Variants in LANCL2 observed in about 807,000 individuals in gnomAD.
The protein encoded by LANCL2 is lanC-like protein 2.
In LANCL2, 33 loss-of-function variants were observed where a neutral mutation model predicts 56.9. That is an observed-to-expected ratio of 0.58 (90% CI 0.44 to 0.78). LANCL2 has a LOEUF of 0.78. LANCL2 is among the 30% of genes least tolerant of loss of function. LANCL2 has a pLI of 0.00. For missense variants in LANCL2, 562 were observed against 580.2 expected (o/e 0.97, Z 0.32); for synonymous variants, 233 against 228.2 (o/e 1.02, Z -0.19).
chr7:55,390,098 A>G (rs894378818), intron 1 of LANCL2, among the ~76,000 whole-genome samples: 1 of 152,186 alleles, frequency 6.6e-6, no homozygotes, highest in East Asian at 1.9e-4. Flanking sequence ...GCAGAAACCT[A>G]AAAGTATTTT....
chr7:55,429,894 C>T (rs75423502), intron 8 of LANCL2, among the ~76,000 whole-genome samples: 3,472 of 152,384 alleles, frequency 0.023, 55 homozygotes, highest in Non-Finnish European at 0.033. Flanking sequence ...ACCAAATTCC[C>T]GTCAGGGGAC....
chr7:55,366,210 C>A lies in LANCL2; in HGVS notation c.185C>A (p.Pro62His). Residue 62 changes from proline (P) to histidine (H), a missense_variant, in exon 1 of 9, where the codon CCT becomes CAT. Coordinates refer to ENST00000254770, the MANE Select transcript of LANCL2 (RefSeq NM_018697.4). ...PPATTDEPGL[P>H]FHQDGKIIHN... is the part of the protein sequence containing the mutation. ...GCGACCACGGATGAGCCCGGCCTCCCTTTTCATCAGGACGGGAAGGTGAGT... is the reference window on the plus strand; with the variant it reads ...GCGACCACGGATGAGCCCGGCCTCCATTTTCATCAGGACGGGAAGGTGAGT... 1 of 1,540,344 alleles carries A rather than the reference C, an allele frequency of 6.5e-7. No homozygotes were observed. Among genetic ancestry groups the A allele is most frequent in the East Asian group, 2.5e-5 (1 of 40,148 alleles).
In LANCL2 at chr7:55,431,418, C is replaced by T. The variant is rs984638789; in HGVS notation, c.*98C>T. On this transcript the variant is annotated 3_prime_UTR_variant, in exon 9 of 9. Transcript: ENST00000254770. ...ACAACTGGGAATCCTGAAAGAGAAG[C>T]AGACACCGTCACAGGCCCCTCTGGT... 3 of 797,566 alleles carry T rather than the reference C, an allele frequency of 3.8e-6. No individual in the cohort carries two copies. Among genetic ancestry groups the T allele is most frequent in the Middle Eastern group, 3.4e-4 (1 of 2,946 alleles). 49.4% of individuals were successfully genotyped at this position (797,566 alleles called of 1,614,324 possible).
chr7:55,392,559 G>A (rs1238122017), intron 2 of LANCL2, among the ~76,000 whole-genome samples: 1 of 150,284 alleles, frequency 6.7e-6, no homozygotes, highest in African/African-American at 2.4e-5. Flanking sequence ...CTGTTGCTGA[G>A]GTTGGTCTCA....
intron 1 of LANCL2, among the ~76,000 whole-genome samples, chr7:55,386,520 A>G (rs923541462): frequency 2.0e-5 from 3 of 152,206 alleles, no homozygotes; most frequent in African/African-American, 4.8e-5. Context: ...AGCTTTGTGC[A>G]GTACCAGTAA....
intron 1 of LANCL2, among the ~76,000 whole-genome samples, chr7:55,387,679 T>A (rs1037305592): frequency 3.9e-5 from 6 of 152,136 alleles, no homozygotes; most frequent in African/African-American, 1.2e-4. Context: ...AATAATTTTT[T>A]AAAATTATAA....
intron 1 of LANCL2, among the ~76,000 whole-genome samples, chr7:55,367,332 GC>G (rs1294633103): frequency 6.6e-6 from 1 of 152,110 alleles, no homozygotes; most frequent in African/African-American, 2.4e-5. Flanking sequence ...TTCATATTTG[GC>G]TAAAACTAAG....
chr7:55,378,564 A>C (rs527545523), intron 1 of LANCL2, among the ~76,000 whole-genome samples: 14 of 152,166 alleles, frequency 9.2e-5, no homozygotes, highest in African/African-American at 3.4e-4. Context: ...GTATGTAAAT[A>C]AAATACCATT....
At chr7:55,418,492 T>C (rs1006582748) in intron 6 of LANCL2, among the ~76,000 whole-genome samples, 1 of 152,220 alleles carries the variant, frequency 6.6e-6, no homozygotes, top group Non-Finnish European at 1.5e-5. Flanking sequence ...AGCTGCTTTT[T>C]GTATATTGAC....
chr7:55,371,760 GTTTATA>G (rs1356355815), intron 1 of LANCL2, among the ~76,000 whole-genome samples: 1 of 152,136 alleles, frequency 6.6e-6, no homozygotes, highest in Non-Finnish European at 1.5e-5. Flanking sequence ...AAATGCTTCA[GTTTATA>G]ATTATTTAAT....
intron 7 of LANCL2, 106 bp downstream of exon 7, chr7:55,425,536 G>C: frequency 9.8e-7 from 1 of 1,024,678 alleles, no homozygotes; most frequent in South Asian, 1.6e-5. Flanking sequence ...GTTTCTCCCA[G>C]TTCTGTAGCT....
intron 6 of LANCL2, among the ~76,000 whole-genome samples, chr7:55,413,788 C>G (rs1790496673): frequency 1.3e-5 from 2 of 152,214 alleles, no homozygotes; most frequent in Non-Finnish European, 2.9e-5. Context: ...GTCAAGATCC[C>G]ATACTTAGTC....
At chr7:55,397,591 G>GCATGT (rs1460973784) in intron 2 of LANCL2, among the ~76,000 whole-genome samples, 3 of 150,144 alleles carry the variant, frequency 2.0e-5, no homozygotes, top group Non-Finnish European at 4.4e-5. Context: ...CTTTTCACCA[G>GCATGT]CATGTCATCT....
At chr7:55,375,852 G>A (rs1037070920) in intron 1 of LANCL2, among the ~76,000 whole-genome samples, 1 of 152,126 alleles carries the variant, frequency 6.6e-6, no homozygotes, top group African/African-American at 2.4e-5. Flanking sequence ...TTCCCTGCTG[G>A]CTGGCCTTAG....
intron 1 of LANCL2, among the ~76,000 whole-genome samples, chr7:55,372,283 A>T (rs989389570): frequency 2.6e-5 from 4 of 152,224 alleles, no homozygotes; most frequent in Admixed American, 6.5e-5. Context: ...TCTTTTGGAA[A>T]TAAATTGTAG....
intron 8 of LANCL2, among the ~76,000 whole-genome samples, chr7:55,430,964 G>A (rs1274554708): frequency 6.6e-6 from 1 of 152,222 alleles, no homozygotes; most frequent in Non-Finnish European, 1.5e-5. Flanking sequence ...ATTCTGTGAT[G>A]CCACCTTAAA....
chr7:55,428,278 C>T (rs1465359535), intron 7 of LANCL2, 97 bp from the exon 8 acceptor site: 1 of 1,065,604 alleles, frequency 9.4e-7, no homozygotes, highest in African/African-American at 1.6e-5. Flanking sequence ...AGCTGGGGGT[C>T]CACTTCCCTG....
chr7:55,400,690 T>C (rs1790311241), intron 4 of LANCL2, among the ~76,000 whole-genome samples: 1 of 152,192 alleles, frequency 6.6e-6, no homozygotes, highest in South Asian at 2.1e-4. Flanking sequence ...TGAGAGGAGA[T>C]AGACGTGAGG....
chr7:55,398,395 T>A (rs1190169906), intron 2 of LANCL2, 28 bp from the exon 3 acceptor site: 2 of 1,537,820 alleles, frequency 1.3e-6, no homozygotes, highest in Admixed American at 3.3e-5. Context: ...TAATAATGCT[T>A]TTCTTTTGGG....
Sources: gnomAD v4.1 joint callset for allele counts (sites outside exome capture counted in the v4.1 genomes callset) on GRCh38, gnomAD v4.1.1 for gene constraint, MANE v1.5 for transcripts, NCBI Gene and HGNC (gene_info 2026-07-23, HGNC 2026-07-21) for gene names.